NR3C2: variants seen among roughly 807,000 people sequenced by gnomAD.
The protein encoded by NR3C2 is nuclear receptor subfamily 3 group C member 2.
Under a neutral mutation model 86.4 loss-of-function variants are expected in NR3C2, and 15 were observed. That is an observed-to-expected ratio of 0.17 (90% CI 0.12 to 0.27). The LOEUF is 0.27. Ranked by LOEUF, NR3C2 falls within the 10% of genes least tolerant of loss-of-function variation. The pLI is 1.00. For synonymous variants in NR3C2, 458 were observed against 450.5 expected, an observed-to-expected ratio of 1.02 and a Z score of -0.21; for missense variants, 960 against 1,195.6, an observed-to-expected ratio of 0.80 and a Z score of 2.91.
chr4:148,353,010 A>G (rs1258003987), intron 2 of NR3C2, among the ~76,000 whole-genome samples: 1 of 152,176 alleles, frequency 6.6e-6, no homozygotes, highest in Non-Finnish European at 1.5e-5. Context: ...AAAAACTTCA[A>G]AAGCTGTTTG....
At chr4:148,379,899 C>T (rs1192470827) in intron 2 of NR3C2, among the ~76,000 whole-genome samples, 1 of 152,050 alleles carries the variant, frequency 6.6e-6, no homozygotes, top group Non-Finnish European at 1.5e-5. Flanking sequence ...CCTCTATCCC[C>T]ACCTAATTTG....
chr4:148,152,013 A>G (rs1457473873), intron 6 of NR3C2, among the ~76,000 whole-genome samples: 1 of 152,250 alleles, frequency 6.6e-6, no homozygotes, highest in Non-Finnish European at 1.5e-5. Flanking sequence ...AAGGGTAATT[A>G]CGATTGTCAT....
At position 148,079,543 on chromosome 4, in the gene NR3C2, A is replaced by ATTTTTAAAAGATTAATT. The variant is rs1226950000; in HGVS notation, c.*1784_*1800dup. 2 of 152,632 alleles carry ATTTTTAAAAGATTAATT rather than the reference A, an allele frequency of 1.3e-5. No individual in the cohort carries two copies. The highest frequency in any genetic ancestry group is 1.3e-4 in the Admixed American group (2 of 15,274). The allele number at this position is 152,632 out of a possible 1,614,324, so 9.5% of individuals were successfully genotyped here. On this transcript the variant is annotated 3_prime_UTR_variant, in exon 9 of 9. Transcript: ENST00000358102. Reference sequence around the variant, plus strand: ...CTGAGTAAACCTGATGATTATCATCATTTTTAAAAGATTAATTTGGCCTCT... The same window carrying ATTTTTAAAAGATTAATT: ...CTGAGTAAACCTGATGATTATCATCATTTTTAAAAGATTAATTTTTTTAAAAGATTAATTTGGCCTCT...
chr4:148,307,387 C>A (rs1390482359), intron 2 of NR3C2, among the ~76,000 whole-genome samples: 1 of 152,094 alleles, frequency 6.6e-6, no homozygotes, highest in Non-Finnish European at 1.5e-5. Context: ...GGATTTTCAA[C>A]AGAATCATAA....
At chr4:148,182,668 C>T (rs779638686) in intron 4 of NR3C2, among the ~76,000 whole-genome samples, 36 of 152,296 alleles carry the variant, frequency 2.4e-4, no homozygotes, top group Non-Finnish European at 4.4e-4. Flanking sequence ...GCCAGCTAAA[C>T]ACTTGTACCA....
chr4:148,087,641 G>A (rs766248480), intron 8 of NR3C2, among the ~76,000 whole-genome samples: 55 of 151,952 alleles, frequency 3.6e-4, no homozygotes, highest in Non-Finnish European at 5.3e-4. Context: ...TAAACGGTAC[G>A]GCGAAAACTG....
At chr4:148,313,700 T>C (rs1743021749) in intron 2 of NR3C2, among the ~76,000 whole-genome samples, 1 of 152,206 alleles carries the variant, frequency 6.6e-6, no homozygotes, top group Non-Finnish European at 1.5e-5. Context: ...TTTTCAGATA[T>C]CATTTTATAA....
intron 3 of NR3C2, among the ~76,000 whole-genome samples, chr4:148,200,755 T>TA (rs1736679694): frequency 6.6e-6 from 1 of 152,204 alleles, no homozygotes; most frequent in African/African-American, 2.4e-5. Flanking sequence ...GCAGTAAGGA[T>TA]AAAATGAATG....
intron 6 of NR3C2, among the ~76,000 whole-genome samples, chr4:148,140,690 G>T (rs1324808597): frequency 2.0e-5 from 3 of 152,130 alleles, no homozygotes; most frequent in Non-Finnish European, 4.4e-5. Flanking sequence ...GATAATATAT[G>T]ATCTTAAACT....
At chr4:148,269,257 G>T (rs1408754719) in intron 2 of NR3C2, among the ~76,000 whole-genome samples, 1 of 152,170 alleles carries the variant, frequency 6.6e-6, no homozygotes, top group African/African-American at 2.4e-5. Flanking sequence ...GGAGGAAAAA[G>T]CATCCATGGT....
chr4:148,309,808 G>C (rs1046742337), intron 2 of NR3C2, among the ~76,000 whole-genome samples: 1 of 151,692 alleles, frequency 6.6e-6, no homozygotes, highest in Non-Finnish European at 1.5e-5. Flanking sequence ...CATGTAGTAC[G>C]TAAACTTAAA....
intron 2 of NR3C2, among the ~76,000 whole-genome samples, chr4:148,346,093 A>G (rs1744975571): frequency 6.6e-6 from 1 of 152,112 alleles, no homozygotes. Flanking sequence ...GCTGAAATGG[A>G]GAGAGGGGAG....
At position 148,435,821 on chromosome 4, in the gene NR3C2, C is replaced by G. The variant is rs1298980656; in HGVS notation, c.1040G>C (p.Gly347Ala). The change falls in exon 2 of 9, where the codon GGC becomes GCC. Residue 347 changes from glycine to alanine, a missense_variant. This residue lies in a region of NR3C2 where 680 missense variants were observed against 719.0 expected (regional missense o/e 0.95). Coordinates refer to ENST00000358102, the MANE Select transcript of NR3C2 (RefSeq NM_000901.5). ...CAATGTACTGGATCCAGCAGAGGTG[C>G]CAGAAGCAGTGTAGCTGAAGGCATT... ...VNNAFSYTAS[G>A]TSAGSSTLRD... 2 of 1,614,180 alleles carry G rather than the reference C, an allele frequency of 1.2e-6. No homozygotes were observed. The highest frequency in any genetic ancestry group is 4.5e-5 in the East Asian group (2 of 44,884).
At chr4:148,179,696 A>T (rs1196143464) in intron 4 of NR3C2, among the ~76,000 whole-genome samples, 1 of 151,772 alleles carries the variant, frequency 6.6e-6, no homozygotes, top group Non-Finnish European at 1.5e-5. Context: ...AATTATAATC[A>T]CAAGAGTTAA....
In NR3C2 at chr4:148,387,420, T is replaced by A. The variant is rs1369018294; in HGVS notation, c.1757+47684A>T. ...AGACCCCCATTTGATTAAGCCACTTTAGCCTGAGTTTTCTGTTACATACAG... is the reference window on the plus strand; with the variant it reads ...AGACCCCCATTTGATTAAGCCACTTAAGCCTGAGTTTTCTGTTACATACAG... On this transcript the variant is annotated intron_variant, in intron 2 of 8. Transcript: ENST00000358102. Among the ~76,000 whole-genome samples, 6 of 152,244 alleles carry A rather than the reference T, an allele frequency of 3.9e-5. No individual in the cohort carries two copies. The East Asian group carries it at 1.2e-3, about 29-fold the overall frequency.
At chr4:148,173,891 G>A (rs1217195241) in intron 4 of NR3C2, among the ~76,000 whole-genome samples, 1 of 152,142 alleles carries the variant, frequency 6.6e-6, no homozygotes, top group Non-Finnish European at 1.5e-5. Context: ...GGAGAGGGCT[G>A]GGGAGGCAGG....
At chr4:148,223,389 C>T (rs965254220) in intron 3 of NR3C2, among the ~76,000 whole-genome samples, 1 of 152,150 alleles carries the variant, frequency 6.6e-6, no homozygotes, top group Non-Finnish European at 1.5e-5. Context: ...TTTTTTAATT[C>T]TCCAACTAGA....
chr4:148,271,049 C>T (rs991038276), intron 2 of NR3C2, among the ~76,000 whole-genome samples: 2 of 152,184 alleles, frequency 1.3e-5, no homozygotes, highest in South Asian at 4.2e-4. Context: ...GGCAATAGTG[C>T]TCTACTAAGT....
intron 2 of NR3C2, among the ~76,000 whole-genome samples, chr4:148,316,345 A>T (rs1271120515): frequency 1.3e-5 from 2 of 152,156 alleles, no homozygotes; most frequent in African/African-American, 4.8e-5. Context: ...AAGTATATTT[A>T]TATATTTATG....
Sources: allele counts gnomAD v4.1 joint callset (sites outside exome capture counted in the v4.1 genomes callset), GRCh38; gene constraint gnomAD v4.1.1; regional missense constraint gnomAD v4.1.1; transcripts MANE v1.5; gene names NCBI Gene and HGNC (gene_info 2026-07-23, HGNC 2026-07-21).